TTC27: variants seen among roughly 807,000 people sequenced by gnomAD.
TTC27 encodes the protein tetratricopeptide repeat protein 27.
In TTC27, 79 loss-of-function variants were observed where a neutral mutation model predicts 115.9. The ratio of observed to expected loss-of-function variants is 0.68; its 90% CI spans 0.57 to 0.82. The LOEUF is 0.82. TTC27 is among the 40% of genes least tolerant of loss of function. The pLI is 0.00. For synonymous variants in TTC27, 401 were observed against 356.0 expected, an observed-to-expected ratio of 1.13 and a Z score of -1.42; for missense variants, 1,054 against 993.1, an observed-to-expected ratio of 1.06 and a Z score of -0.82.
chr2:32,815,479 C>T lies in TTC27; in HGVS notation c.2309-1978C>T, dbSNP rs55805355. 4.6e-3 allele frequency among the ~76,000 whole-genome samples: 700 copies of T among 151,932 alleles called. 8 individuals carry two copies. Among genetic ancestry groups the T allele is most frequent in the African/African-American group, 0.016 (672 of 41,444 alleles). ...GTCTCAATCTCCTTACCTTGTGATC[C>T]GCCCGCCTCAGCCTCCCAAAGTGCT... On this transcript the variant is annotated intron_variant, in intron 18 of 19. Coordinates refer to ENST00000317907, the MANE Select transcript of TTC27 (RefSeq NM_017735.5).
At chr2:32,805,821 T>C (rs1671112764) in intron 16 of TTC27, among the ~76,000 whole-genome samples, 1 of 152,254 alleles carries the variant, frequency 6.6e-6, no homozygotes, top group African/African-American at 2.4e-5. Flanking sequence ...GCCCCTTTGA[T>C]GGAACAGTTC....
intron 13 of TTC27, among the ~76,000 whole-genome samples, chr2:32,769,651 G>GAA (rs144443586): frequency 0.13 from 19,700 of 152,058 alleles, 1,477 homozygotes; most frequent in Middle Eastern, 0.21. Context: ...GGAATGAGGA[G>GAA]AAGAGATGAA....
intron 16 of TTC27, among the ~76,000 whole-genome samples, chr2:32,795,724 T>TATATTA (rs1558348121): frequency 7.3e-5 from 4 of 54,806 alleles, no homozygotes; most frequent in Non-Finnish European, 1.4e-4. Flanking sequence ...GGCTAATTTT[T>TATATTA]GTATTATTAT....
intron 13 of TTC27, among the ~76,000 whole-genome samples, chr2:32,774,824 G>A (rs993329772): frequency 2.0e-5 from 3 of 152,172 alleles, no homozygotes; most frequent in Non-Finnish European, 2.9e-5. Context: ...ACACCACTGT[G>A]TGCAAAGCTC....
chr2:32,635,228 T>G (rs142977940), intron 3 of TTC27: 2,060 of 152,810 alleles, frequency 0.013, 32 homozygotes, highest in Non-Finnish European at 0.016. Flanking sequence ...TAAATCAAAG[T>G]AAGAACTTTG....
intron 9 of TTC27, among the ~76,000 whole-genome samples, chr2:32,698,787 G>A (rs1009604665): frequency 1.3e-5 from 2 of 152,024 alleles, no homozygotes; most frequent in African/African-American, 2.4e-5. Flanking sequence ...GCCAAGGAAC[G>A]TGTTGTCTTA....
chr2:32,632,550 T>C (rs368238277), intron 2 of TTC27, among the ~76,000 whole-genome samples: 3 of 152,224 alleles, frequency 2.0e-5, no homozygotes, highest in African/African-American at 7.2e-5. Flanking sequence ...AAGGCTGTTT[T>C]CTCCAAATTT....
At chr2:32,663,904 C>G (rs536137598) in intron 5 of TTC27, among the ~76,000 whole-genome samples, 1 of 151,878 alleles carries the variant, frequency 6.6e-6, no homozygotes, top group African/African-American at 2.4e-5. Flanking sequence ...AGGCTGGTCT[C>G]GAACTCCTGA....
intron 12 of TTC27, among the ~76,000 whole-genome samples, chr2:32,751,300 ACATG>A (rs1449873458): frequency 1.5e-4 from 21 of 143,406 alleles, no homozygotes; most frequent in African/African-American, 4.8e-4. Flanking sequence ...ACACACACAC[ACATG>A]CACACACATA....
At chr2:32,700,515 A>C (rs1489479130) in intron 9 of TTC27, among the ~76,000 whole-genome samples, 1 of 152,088 alleles carries the variant, frequency 6.6e-6, no homozygotes. Flanking sequence ...AGATTTACCT[A>C]ATGAGAAAAG....
chr2:32,649,243 T>C (rs1355526189), intron 4 of TTC27, among the ~76,000 whole-genome samples: 7 of 152,126 alleles, frequency 4.6e-5, no homozygotes, highest in Admixed American at 4.6e-4. Flanking sequence ...TGGGGGAACA[T>C]CTGAATCCAA....
intron 13 of TTC27, among the ~76,000 whole-genome samples, chr2:32,776,944 G>A (rs1291429561): frequency 6.6e-6 from 1 of 152,046 alleles, no homozygotes; most frequent in African/African-American, 2.4e-5. Flanking sequence ...TTTTGACAGA[G>A]GCTATTGAAT....
rs779547700 is a variant in TTC27, at chr2:32,692,036, G to GTTTTT, written c.1120-10749_1120-10745dup. 6.9e-3 allele frequency among the ~76,000 whole-genome samples: 425 copies of GTTTTT among 61,198 alleles called. 68 individuals are homozygous for GTTTTT. The highest frequency in any genetic ancestry group is 0.019 in the African/African-American group (310 of 16,386). 40.1% of individuals were successfully genotyped at this position (61,198 alleles called of 152,430 possible). On this transcript the variant is annotated intron_variant, in intron 9 of 19. Transcript: ENST00000317907. Reference sequence around the variant, plus strand: ...GGGATATTCTTTTTTAATTTTTTAGGTTTTTTTTTTTTTTTTTTTTTTTTT... The same window carrying GTTTTT: ...GGGATATTCTTTTTTAATTTTTTAGGTTTTTTTTTTTTTTTTTTTTTTTTTTTTTT...
rs537766237 is a variant in TTC27, at chr2:32,793,663, T to C, written c.1998+6514T>C. Among the ~76,000 whole-genome samples, 59 of 152,082 alleles carry C rather than the reference T, an allele frequency of 3.9e-4. 3 individuals are homozygous for C. In the South Asian group the frequency reaches 0.011, roughly 29 times the overall value. On this transcript the variant is annotated intron_variant, in intron 16 of 19. Coordinates refer to ENST00000317907, the MANE Select transcript of TTC27 (RefSeq NM_017735.5). ...TCAGCCTCCTGAGTAACTGGGATTA[T>C]AGGTGCCTGCCACCACGCCCGGCTA...
chr2:32,677,459 T>C (rs1440542337), intron 8 of TTC27, among the ~76,000 whole-genome samples: 1 of 151,248 alleles, frequency 6.6e-6, no homozygotes, highest in East Asian at 1.9e-4. Context: ...TGTTTTCTTC[T>C]TTTTTTTTGA....
chr2:32,789,981 T>C (rs149101126), intron 16 of TTC27, among the ~76,000 whole-genome samples: 1 of 111,334 alleles, frequency 9.0e-6, no homozygotes, highest in East Asian at 2.6e-4. Context: ...TAAGAAAGAA[T>C]AAAAGGACCC....
At chr2:32,636,554 G>A (rs764144848) in intron 3 of TTC27, among the ~76,000 whole-genome samples, 1 of 152,080 alleles carries the variant, frequency 6.6e-6, no homozygotes, top group Non-Finnish European at 1.5e-5. Context: ...TTACAGATTT[G>A]AGGTAATCTA....
intron 12 of TTC27, among the ~76,000 whole-genome samples, chr2:32,749,836 A>C (rs1668950658): frequency 6.6e-6 from 1 of 152,208 alleles, no homozygotes; most frequent in South Asian, 2.1e-4. Context: ...TGCATTTAAG[A>C]ATCAACTGGA....
At chr2:32,636,525 T>C (rs1664435472) in intron 3 of TTC27, among the ~76,000 whole-genome samples, 1 of 152,156 alleles carries the variant, frequency 6.6e-6, no homozygotes, top group South Asian at 2.1e-4. Flanking sequence ...AATTCACATT[T>C]CTTGTGCCAA....
Sources: allele counts gnomAD v4.1 joint callset (sites outside exome capture counted in the v4.1 genomes callset), GRCh38; gene constraint gnomAD v4.1.1; transcripts MANE v1.5; gene names NCBI Gene and HGNC (gene_info 2026-07-23, HGNC 2026-07-21).